MANEAL: variants seen among roughly 807,000 people sequenced by gnomAD.
MANEAL encodes the protein mannosidase endo-alpha like.
In MANEAL, 28 loss-of-function variants were observed where a neutral mutation model predicts 35.9. The ratio of observed to expected loss-of-function variants is 0.78; its 90% CI spans 0.58 to 1.07. The LOEUF is 1.07. Ranked by LOEUF, MANEAL falls within the 50% of genes least tolerant of loss-of-function variation. The pLI, the probability that MANEAL is intolerant of heterozygous loss-of-function variation, is 0.00. For missense variants in MANEAL, 576 were observed against 629.6 expected (o/e 0.91, Z 0.91); for synonymous variants, 286 against 272.2 (o/e 1.05, Z -0.50).
intron 3 of MANEAL, among the ~76,000 whole-genome samples, chr1:37,798,633 T>A (rs1646667675): frequency 6.6e-6 from 1 of 151,074 alleles, no homozygotes; most frequent in East Asian, 2.0e-4. Context: ...TTTGGGGGGC[T>A]GAGGTGAGTG....
At chr1:37,796,609 C>A in intron 2 of MANEAL, 135 bp from the exon 3 acceptor site, 1 of 789,166 alleles carries the variant, frequency 1.3e-6, no homozygotes, top group Non-Finnish European at 2.0e-6. Context: ...CTGCCTTTAT[C>A]TCTACTGTGC....
Position 37,794,230 on chromosome 1 carries a change from G to C in MANEAL, c.48G>C (p.Leu16=), listed in dbSNP as rs2148383081. The change falls in exon 1 of 4, where the codon CTG becomes CTC. Residue 16 remains leucine (L), a synonymous_variant. Coordinates refer to ENST00000373045, the MANE Select transcript of MANEAL (RefSeq NM_001113482.2). The surrounding 1 kb of genome is among the most constrained non-coding windows in gnomAD (Gnocchi z 5.7). ...CCTGCATCGCTCTGTTCCTGGTGCT[G>C]CTCTTCGCCTTCGGCACCCTCATGG... is the stretch of plus-strand genomic sequence containing the variant. The part of the protein sequence containing the change: ...RRACIALFLV[L]LFAFGTLMGL... The C allele has an allele frequency of 7.5e-7, 1 of 1,329,232 alleles. No homozygotes were observed. The highest frequency in any genetic ancestry group is 9.8e-7 in the Non-Finnish European group (1 of 1,022,240). 82.3% of individuals were successfully genotyped at this position (1,329,232 alleles called of 1,614,324 possible).
In MANEAL at chr1:37,795,773, CTGA is replaced by C. The variant is rs751131489; in HGVS notation, c.592_594del (p.Asp198del). 1.9e-6 allele frequency: 3 copies of C among 1,614,046 alleles called. No homozygotes were observed. Among genetic ancestry groups the C allele is most frequent in the African/African-American group, 1.3e-5 (1 of 74,918 alleles). ...CTGTCCTGGTACCCACCTGGCATGGCTGATGATAACGGGGAGCCCTCAGATGAC... is the reference window on the plus strand; with the variant it reads ...CTGTCCTGGTACCCACCTGGCATGGCTGATAACGGGGAGCCCTCAGATGAC... On this transcript the variant is annotated inframe_deletion, in exon 2 of 4. Coordinates refer to ENST00000373045, the MANE Select transcript of MANEAL (RefSeq NM_001113482.2).
Position 37,799,888 on chromosome 1 carries a change from G to C in MANEAL, c.1059G>C (p.Met353Ile), listed in dbSNP as rs1056938669. ...ACTTTTGTGATGCCAACAACCTCAT[G>C]TTCATCCCCAGTGTGGGGCCTGGCT... ...VKNFCDANNL[M>I]FIPSVGPGYI... The change falls in exon 4 of 4, where the codon ATG becomes ATC. Residue 353 changes from methionine (M) to isoleucine (I), a missense_variant. By Grantham distance (10) the Met-to-Ile change is conservative. Transcript: ENST00000373045. The surrounding 1 kb of genome is among the most constrained non-coding windows in gnomAD (Gnocchi z 4.1). 1.2e-5 allele frequency: 20 copies of C among 1,614,110 alleles called. No individual in the cohort carries two copies. The highest frequency in any genetic ancestry group is 2.7e-5 in the African/African-American group (2 of 74,926).
chr1:37,797,328 G>A (rs1646653497), intron 3 of MANEAL, among the ~76,000 whole-genome samples: 1 of 151,882 alleles, frequency 6.6e-6, no homozygotes, highest in Non-Finnish European at 1.5e-5. Context: ...TTGAATCTGG[G>A]AGGCGGAGGT....
chr1:37,794,076 C>G lies in MANEAL; in HGVS notation c.-107C>G. On this transcript the variant is annotated 5_prime_UTR_variant, in exon 1 of 4. Transcript: ENST00000373045. The surrounding 1 kb of genome is among the most constrained non-coding windows in gnomAD (Gnocchi z 5.7). Reference sequence around the variant, plus strand: ...GACAGGCCGGGCGCCGCCCACGCCGCGCTCTGCCGGGCGCACAGTCTGCCT... The same window carrying G: ...GACAGGCCGGGCGCCGCCCACGCCGGGCTCTGCCGGGCGCACAGTCTGCCT... The G allele has an allele frequency of 1.3e-6, 1 of 761,808 alleles. No individual in the cohort carries two copies. The highest frequency in any genetic ancestry group is 1.6e-6 in the Non-Finnish European group (1 of 613,800). The allele number at this position is 761,808 out of a possible 1,614,324, so 47.2% of individuals were successfully genotyped here.
intron 3 of MANEAL, among the ~76,000 whole-genome samples, chr1:37,798,703 A>G (rs1412625657): frequency 6.6e-6 from 1 of 151,808 alleles, no homozygotes; most frequent in Non-Finnish European, 1.5e-5. Context: ...ACTGTACTCC[A>G]GCCTGGGCGA....
At position 37,795,717 on chromosome 1, in the gene MANEAL, G is replaced by T. The variant is rs769661386; in HGVS notation, c.551-20G>T. 2 of 1,614,012 alleles carry T rather than the reference G, an allele frequency of 1.2e-6. No homozygotes were observed. The highest frequency in any genetic ancestry group is 3.3e-5 in the Admixed American group (2 of 60,010). On this transcript the variant is annotated intron_variant, in intron 1 of 3. Transcript: ENST00000373045. ...GGGGGTACTGTGTGTCTCTGAAGTGGCCTCTGTGTTGCGTCTCAGGCGTCC... is the reference window on the plus strand; with the variant it reads ...GGGGGTACTGTGTGTCTCTGAAGTGTCCTCTGTGTTGCGTCTCAGGCGTCC...
At chr1:37,796,857 T>A (rs1329139429) in intron 3 of MANEAL, 37 bp downstream of exon 3, 1 of 1,571,706 alleles carries the variant, frequency 6.4e-7, no homozygotes, top group Admixed American at 1.8e-5. Flanking sequence ...TTGGTGGGGA[T>A]CAAAATGGAG....
intron 3 of MANEAL, among the ~76,000 whole-genome samples, chr1:37,797,148 C>T (rs1395116386): frequency 2.0e-5 from 3 of 152,150 alleles, no homozygotes; most frequent in African/African-American, 7.2e-5. Flanking sequence ...ATGGTGTAAT[C>T]CCAGCACTTT....
chr1:37,794,374 C>G lies in MANEAL; in HGVS notation c.192C>G (p.Ala64=). Residue 64 remains alanine (A), a synonymous_variant, in exon 1 of 4, where the codon GCC becomes GCG. Transcript: ENST00000373045. The surrounding 1 kb of genome is among the most constrained non-coding windows in gnomAD (Gnocchi z 5.7). ...CGCCCGCTGCCAGGGCCCCGGCAGC[C>G]CCTGCCGCGCCGCCCCCGCCGCCGC... ...APAPAARAPA[A]PAAPPPPPPP... is the part of the protein sequence containing the mutation. The G allele has an allele frequency of 9.4e-7, 1 of 1,066,036 alleles. No homozygotes were observed. Among genetic ancestry groups the G allele is most frequent in the Non-Finnish European group, 1.1e-6 (1 of 883,490 alleles). 66.0% of individuals were successfully genotyped at this position (1,066,036 alleles called of 1,614,324 possible).
chr1:37,798,156 A>T (rs1440743625), intron 3 of MANEAL, among the ~76,000 whole-genome samples: 2 of 152,054 alleles, frequency 1.3e-5, no homozygotes. Context: ...CTCTTAAAAA[A>T]ACAAACAAAA....
In MANEAL at chr1:37,796,838, G is replaced by A. The variant is rs1389376484; in HGVS notation, c.737+18G>A. 1.6e-5 allele frequency: 26 copies of A among 1,601,606 alleles called. No homozygotes were observed. The highest frequency in any genetic ancestry group is 4.0e-5 in the African/African-American group (3 of 74,710). On this transcript the variant is annotated intron_variant, in intron 3 of 3. Coordinates refer to ENST00000373045, the MANE Select transcript of MANEAL (RefSeq NM_001113482.2). ...ATTGACACGTAAGGCTGCTCTGGGG[G>A]CCGGGATTTTGGTGGGGATCAAAAT... is the stretch of plus-strand genomic sequence containing the variant.
At chr1:37,798,884 C>A (rs1278423854) in intron 3 of MANEAL, among the ~76,000 whole-genome samples, 1 of 151,730 alleles carries the variant, frequency 6.6e-6, no homozygotes, top group Non-Finnish European at 1.5e-5. Flanking sequence ...ACTAAAAATA[C>A]AAAAATTAGG....
Position 37,799,451 on chromosome 1 carries a change from TG to T in MANEAL, c.738-114del. The T allele has an allele frequency of 8.4e-7, 1 of 1,190,758 alleles. No individual in the cohort carries two copies. The highest frequency in any genetic ancestry group is 1.2e-6 in the Non-Finnish European group (1 of 850,248). 73.8% of individuals were successfully genotyped at this position (1,190,758 alleles called of 1,614,324 possible). A position where few individuals can be genotyped will look rare whatever the true frequency, so the allele number is the denominator to read the frequency against. ...CTTAGAGGCATGATGACTCCAACTGTGGAGACTGACTGGCTCCAGAACTGGG... is the reference window on the plus strand; with the variant it reads ...CTTAGAGGCATGATGACTCCAACTGTGAGACTGACTGGCTCCAGAACTGGG... On this transcript the variant is annotated intron_variant, in intron 3 of 3. Coordinates refer to ENST00000373045, the MANE Select transcript of MANEAL (RefSeq NM_001113482.2). This position sits in a 1 kb window ranked among gnomAD's most constrained non-coding sequence, Gnocchi z 4.1.
Position 37,794,248 on chromosome 1 carries a change from C to T in MANEAL, c.66C>T (p.Thr22=). The change falls in exon 1 of 4, where the codon ACC becomes ACT. Residue 22 remains threonine (T), a synonymous_variant. Transcript: ENST00000373045. This position sits in a 1 kb window ranked among gnomAD's most constrained non-coding sequence, Gnocchi z 5.7. ...TGGTGCTGCTCTTCGCCTTCGGCAC[C>T]CTCATGGGTCTGCGCACGCTCAAGG... ...LFLVLLFAFG[T]LMGLRTLKAP... The T allele has an allele frequency of 7.5e-7, 1 of 1,328,758 alleles. No homozygotes were observed. 82.3% of individuals were successfully genotyped at this position (1,328,758 alleles called of 1,614,324 possible).
chr1:37,794,687 G>C lies in MANEAL; in HGVS notation c.505G>C (p.Glu169Gln), dbSNP rs1646629046. The C allele has an allele frequency of 9.3e-6, 15 of 1,606,604 alleles. No homozygotes were observed. In the South Asian group the frequency reaches 1.2e-4, roughly 13 times the overall value. The change falls in exon 1 of 4, where the codon GAA (glutamate) becomes CAA (glutamine). Residue 169 changes from glutamate to glutamine, a missense_variant. Glu to Gln is a conservative substitution (Grantham distance 29, BLOSUM62 2). Transcript: ENST00000373045. This position sits in a 1 kb window ranked among gnomAD's most constrained non-coding sequence, Gnocchi z 5.7. ...ELGPYSSRDP[E>Q]VLREHMTQLK... ...GGGGCCCTACAGCTCCCGGGACCCC[G>C]AAGTGCTGCGGGAGCATATGACCCA...
chr1:37,799,737 C>A lies in MANEAL; in HGVS notation c.908C>A (p.Ala303Glu), dbSNP rs1161751694. The A allele has an allele frequency of 1.2e-6, 2 of 1,614,206 alleles. No individual in the cohort carries two copies. The highest frequency in any genetic ancestry group is 1.7e-6 in the Non-Finnish European group (2 of 1,180,050). ...ACGCCCTACGATGGGGTCTTCATAG[C>A]GCTGCTGGTGGAGGAGGGCCACACC... is the stretch of plus-strand genomic sequence containing the variant. ...RNTPYDGVFI[A>E]LLVEEGHTHD... Residue 303 changes from alanine to glutamate, a missense_variant, in exon 4 of 4, where the codon GCG (alanine) becomes GAG (glutamate). By Grantham distance (107) the Ala-to-Glu change is moderately radical. Transcript: ENST00000373045. This position sits in a 1 kb window ranked among gnomAD's most constrained non-coding sequence, Gnocchi z 4.1.
In MANEAL at chr1:37,794,544, A is replaced by G. The variant is rs1322691132; in HGVS notation, c.362A>G (p.His121Arg). ...SWYGSPRREGHYIHWDHVMVP... is the reference protein window; with the variant it reads ...SWYGSPRREGRYIHWDHVMVP... ...TACGGGAGCCCGCGGCGCGAGGGCC[A>G]CTACATTCACTGGGACCACGTCATG... Residue 121 changes from histidine (H) to arginine (R), a missense_variant, in exon 1 of 4, where the codon CAC becomes CGC. This residue lies in a region of MANEAL where 449 missense variants were observed against 516.1 expected (regional missense o/e 0.87). Transcript: ENST00000373045. This position sits in a 1 kb window ranked among gnomAD's most constrained non-coding sequence, Gnocchi z 5.7. The G allele has an allele frequency of 6.2e-7, 1 of 1,611,670 alleles. No individual in the cohort carries two copies. Among genetic ancestry groups the G allele is most frequent in the Admixed American group, 1.7e-5 (1 of 59,958 alleles).
Sources: allele counts gnomAD v4.1 joint callset (sites outside exome capture counted in the v4.1 genomes callset), GRCh38; gene constraint gnomAD v4.1.1; regional missense constraint gnomAD v4.1.1; non-coding constraint Gnocchi (gnomAD v3.1); transcripts MANE v1.5; gene names NCBI Gene and HGNC (gene_info 2026-07-23, HGNC 2026-07-21).